Variants in NDFIP2 observed in about 807,000 individuals in gnomAD.
The protein encoded by NDFIP2 is NEDD4 family-interacting protein 2.
In NDFIP2, 19 loss-of-function variants were observed where a neutral mutation model predicts 36.0. The observed-to-expected ratio is 0.53, with a 90% CI of 0.37 to 0.77. The LOEUF is 0.77. NDFIP2 is among the 30% of genes least tolerant of loss of function. The pLI is 0.00. For synonymous variants in NDFIP2, 181 were observed against 167.7 expected (o/e 1.08, Z -0.61); for missense variants, 446 against 435.8 (o/e 1.02, Z -0.21).
In NDFIP2 at chr13:79,554,597, TC is replaced by T. The variant is rs1876036469; in HGVS notation, c.*2085del. The T allele has an allele frequency of 6.6e-6, 1 of 151,880 alleles. No individual in the cohort carries two copies. The highest frequency in any genetic ancestry group is 1.5e-5 in the Non-Finnish European group (1 of 67,806). The allele number at this position is 151,880 out of a possible 1,614,324, so 9.4% of individuals were successfully genotyped here. A position where few individuals can be genotyped will look rare whatever the true frequency, so the allele number is the denominator to read the frequency against. ...CTGAATCCTCTATAATTGGCATAAT[TC>T]AATGGTAGCCTTAAATCTCATCATG... On this transcript the variant is annotated 3_prime_UTR_variant, in exon 8 of 8. Transcript: ENST00000218652.
At chr13:79,511,457 A>G (rs1283813572) in intron 1 of NDFIP2, among the ~76,000 whole-genome samples, 1 of 152,172 alleles carries the variant, frequency 6.6e-6, no homozygotes, top group Non-Finnish European at 1.5e-5. Flanking sequence ...TTAATTTAGT[A>G]AACTTTTAGG....
At chr13:79,538,902 G>A (rs991719229) in intron 3 of NDFIP2, among the ~76,000 whole-genome samples, 5 of 152,140 alleles carry the variant, frequency 3.3e-5, no homozygotes, top group Admixed American at 2.6e-4. Context: ...TTGACTCCAC[G>A]TCTCACATCC....
Position 79,481,239 on chromosome 13 carries a change from C to T in NDFIP2, c.36C>T (p.Ser12=). The change falls in exon 1 of 8, where the codon AGC becomes AGT. Residue 12 remains serine (S), a synonymous_variant. Transcript: ENST00000218652. ...ARRRSQRVCA[S]GPSMLNSARG... ...GGCGGAGCCAGCGAGTCTGCGCGAG[C>T]GGTCCGAGCATGCTCAATAGCGCGC... The T allele has an allele frequency of 1.3e-6, 2 of 1,523,404 alleles. No individual in the cohort carries two copies. Among genetic ancestry groups the T allele is most frequent in the Non-Finnish European group, 1.8e-6 (2 of 1,140,774 alleles). The allele number at this position is 1,523,404 out of a possible 1,614,324, so 94.4% of individuals were successfully genotyped here. A position where few individuals can be genotyped will look rare whatever the true frequency, so the allele number is the denominator to read the frequency against.
intron 2 of NDFIP2, among the ~76,000 whole-genome samples, chr13:79,521,366 AT>A (rs1257567070): frequency 1.3e-5 from 2 of 152,092 alleles, no homozygotes; most frequent in African/African-American, 4.8e-5. Flanking sequence ...TCTGGCTACA[AT>A]TTTTATTTCC....
chr13:79,539,533 G>T, intron 3 of NDFIP2, 149 bp from the exon 4 acceptor site: 2 of 543,536 alleles, frequency 3.7e-6, no homozygotes, highest in South Asian at 3.0e-5. Context: ...AATGCTTATT[G>T]ATTACTCTGT....
chr13:79,533,508 T>C (rs1305099668), intron 3 of NDFIP2, 52 bp downstream of exon 3: 15 of 1,494,324 alleles, frequency 1.0e-5, no homozygotes, highest in East Asian at 2.5e-5. Flanking sequence ...TTAATTGATA[T>C]ATACATTTAG....
chr13:79,489,809 CAA>C (rs1873155800), intron 1 of NDFIP2, among the ~76,000 whole-genome samples: 1 of 152,126 alleles, frequency 6.6e-6, no homozygotes, highest in Non-Finnish European at 1.5e-5. Flanking sequence ...AAAACAGAAA[CAA>C]ATTTTATGCT....
intron 1 of NDFIP2, among the ~76,000 whole-genome samples, chr13:79,503,779 T>G (rs1873756564): frequency 6.6e-6 from 1 of 152,174 alleles, no homozygotes; most frequent in Admixed American, 6.6e-5. Context: ...AGAGCTGGCT[T>G]ATAAATCTTA....
Position 79,533,440 on chromosome 13 carries a change from C to T in NDFIP2, c.605C>T (p.Ala202Val). 2 of 1,600,048 alleles carry T rather than the reference C, an allele frequency of 1.2e-6. No individual in the cohort carries two copies. The highest frequency in any genetic ancestry group is 1.7e-6 in the Non-Finnish European group (2 of 1,175,646). Residue 202 changes from alanine to valine, a missense_variant, in exon 3 of 8, where the codon GCA becomes GTA. Coordinates refer to ENST00000218652, the MANE Select transcript of NDFIP2 (RefSeq NM_019080.3). ...GCTGCTGCAATGGCAGCTGCAGCAG[C>T]AGAAACATCTCAAAGAGTAAGAAAA... ...AKAAAMAAAA[A>V]ETSQRIQEEE...
intron 5 of NDFIP2, among the ~76,000 whole-genome samples, chr13:79,547,406 G>C (rs771984662): frequency 5.9e-5 from 9 of 152,050 alleles, no homozygotes; most frequent in Non-Finnish European, 4.4e-5. Context: ...GCAGACCAGT[G>C]GAAACAGGGT....
chr13:79,551,120 G>C lies in NDFIP2; in HGVS notation c.1011G>C (p.Ter337TyrextTer25). The change falls in exon 7 of 8, where the codon TAG (stop) becomes TAC (tyrosine). Residue 337 changes from the stop codon to tyrosine, a stop_lost and splice_region_variant. Coordinates refer to ENST00000218652, the MANE Select transcript of NDFIP2 (RefSeq NM_019080.3). ...GAACAAGGTATTTCTTCTTATTGTA[G>C]AGGTAAGAAATATTAATCTGTGAAC... Reference protein sequence around the residue: ...AHRTRYFFLL* With the variant: ...AHRTRYFFLLY The C allele has an allele frequency of 6.3e-7, 1 of 1,575,164 alleles. No homozygotes were observed. Among genetic ancestry groups the C allele is most frequent in the Non-Finnish European group, 8.7e-7 (1 of 1,154,028 alleles).
At chr13:79,522,950 A>C (rs1874642436) in intron 2 of NDFIP2, among the ~76,000 whole-genome samples, 1 of 152,202 alleles carries the variant, frequency 6.6e-6, no homozygotes, top group African/African-American at 2.4e-5. Flanking sequence ...AAAGAACTTG[A>C]AGACTAACTT....
At chr13:79,549,375 A>G (rs1875813696) in intron 6 of NDFIP2, among the ~76,000 whole-genome samples, 1 of 151,982 alleles carries the variant, frequency 6.6e-6, no homozygotes. Context: ...AAAGTCTATT[A>G]AGTATTTAAG....
At chr13:79,534,224 T>C (rs1251467315) in intron 3 of NDFIP2, among the ~76,000 whole-genome samples, 1 of 152,206 alleles carries the variant, frequency 6.6e-6, no homozygotes, top group Non-Finnish European at 1.5e-5. Context: ...ATTTTAATTG[T>C]GAATCATCTT....
chr13:79,506,725 T>TGGTG (rs1421176736), intron 1 of NDFIP2, among the ~76,000 whole-genome samples: 1 of 152,154 alleles, frequency 6.6e-6, no homozygotes. Context: ...TAACCTATGT[T>TGGTG]AACATTTGGT....
chr13:79,550,718 C>T (rs1362913920), intron 6 of NDFIP2, among the ~76,000 whole-genome samples: 4 of 151,334 alleles, frequency 2.6e-5, no homozygotes, highest in Admixed American at 1.3e-4. Flanking sequence ...AGTTTAAGTG[C>T]GTCAGGTAAC....
At chr13:79,538,675 C>T (rs547987364) in intron 3 of NDFIP2, among the ~76,000 whole-genome samples, 2 of 151,768 alleles carry the variant, frequency 1.3e-5, no homozygotes, top group South Asian at 2.1e-4. Context: ...TGCTACCTCC[C>T]GAGTTCAAGC....
intron 1 of NDFIP2, among the ~76,000 whole-genome samples, chr13:79,501,795 C>G (rs1042982857): frequency 6.6e-6 from 1 of 152,132 alleles, no homozygotes; most frequent in South Asian, 2.1e-4. Flanking sequence ...CTTGAGTATT[C>G]TGTTGTTAGC....
In NDFIP2 at chr13:79,555,314, A is replaced by G. The variant is rs1407983574; in HGVS notation, c.*2801A>G. 1.3e-5 allele frequency: 2 copies of G among 150,492 alleles called. No homozygotes were observed. The highest frequency in any genetic ancestry group is 3.0e-5 in the Non-Finnish European group (2 of 67,606). The allele number at this position is 150,492 out of a possible 1,614,324, so 9.3% of individuals were successfully genotyped here. ...TGTGATACCATACTTAACTAAGGTA[A>G]TATATATCCTTAGTTTGCTCAAAAG... is the stretch of plus-strand genomic sequence containing the variant. On this transcript the variant is annotated 3_prime_UTR_variant, in exon 8 of 8. Coordinates refer to ENST00000218652, the MANE Select transcript of NDFIP2 (RefSeq NM_019080.3).
Sources: gnomAD v4.1 joint callset for allele counts (sites outside exome capture counted in the v4.1 genomes callset) on GRCh38, gnomAD v4.1.1 for gene constraint, MANE v1.5 for transcripts, NCBI Gene and HGNC (gene_info 2026-07-23, HGNC 2026-07-21) for gene names.